The following RANGAP1 variants were observed in gnomAD, a reference collection of about 807,000 sequenced individuals.
RANGAP1 encodes Ran GTPase activating protein 1.
In RANGAP1, 38 loss-of-function variants were observed where a neutral mutation model predicts 63.5. The ratio of observed to expected loss-of-function variants is 0.60; its 90% CI spans 0.46 to 0.78. The LOEUF is 0.78. Ranked by LOEUF, RANGAP1 falls within the 30% of genes least tolerant of loss-of-function variation. RANGAP1 has a pLI of 0.00. For synonymous variants in RANGAP1, 329 were observed against 310.5 expected, an observed-to-expected ratio of 1.06 and a Z score of -0.63; for missense variants, 630 against 740.3, an observed-to-expected ratio of 0.85 and a Z score of 1.73.
chr22:41,256,662 C>T (rs1352916553), intron 8 of RANGAP1, 49 bp downstream of exon 8: 1 of 1,554,526 alleles, frequency 6.4e-7, no homozygotes, highest in East Asian at 2.3e-5. Context: ...CCAGCCGCCC[C>T]ACCACCCACA....
chr22:41,271,922 G>A (rs1470871674), intron 3 of RANGAP1, among the ~76,000 whole-genome samples: 1 of 152,184 alleles, frequency 6.6e-6, no homozygotes, highest in Non-Finnish European at 1.5e-5. Context: ...CTGCACAGAG[G>A]AGGGCCTAGG....
chr22:41,268,229 G>C (rs1390824865), intron 3 of RANGAP1, 73 bp from the exon 4 acceptor site: 2 of 1,208,308 alleles, frequency 1.7e-6, no homozygotes, highest in Admixed American at 4.2e-5. Context: ...TCATCCTGGT[G>C]GATTTGAACT....
intron 15 of RANGAP1, among the ~76,000 whole-genome samples, chr22:41,249,079 G>A (rs1299467190): frequency 2.0e-5 from 3 of 152,238 alleles, no homozygotes; most frequent in Admixed American, 6.5e-5. Flanking sequence ...TGGGGGCGCC[G>A]CATGTCTCCT....
At chr22:41,254,674 C>T (rs1286846620) in intron 10 of RANGAP1, 180 bp from the exon 11 acceptor site, 2 of 982,536 alleles carry the variant, frequency 2.0e-6, no homozygotes, top group African/African-American at 3.5e-5. Context: ...ATGCTGTGGA[C>T]ACAAAAAAAT....
chr22:41,256,083 G>A lies in RANGAP1; in HGVS notation c.1011C>T (p.Gly337=). 1 of 1,614,136 alleles carries A rather than the reference G, an allele frequency of 6.2e-7. No individual in the cohort carries two copies. Among genetic ancestry groups the A allele is most frequent in the Non-Finnish European group, 8.5e-7 (1 of 1,180,040 alleles). ...CCAGCACCTCCTGAAGCTGTTCACA[G>A]CCTTCTTCTCCCAGGGTGTTGCCTG... ...DLNGNTLGEE[G]CEQLQEVLEG... is the part of the protein sequence containing the mutation. Residue 337 remains glycine (G), a synonymous_variant, in exon 10 of 16, where the codon GGC becomes GGT. Coordinates refer to ENST00000356244, the MANE Select transcript of RANGAP1 (RefSeq NM_002883.4).
In RANGAP1 at chr22:41,284,894, C is replaced by T. The variant is rs8139705; in HGVS notation, c.-39+1092G>A. ...ACCAGAAACCAGCCCAGTGCAATAACTCACACCTGTAATTCCAACATTTTG... is the reference window on the plus strand; with the variant it reads ...ACCAGAAACCAGCCCAGTGCAATAATTCACACCTGTAATTCCAACATTTTG... On this transcript the variant is annotated intron_variant, in intron 1 of 15. Transcript: ENST00000356244. 20,880 of 152,246 alleles carry T rather than the reference C, an allele frequency of 0.14. 1,703 individuals carry two copies. The highest frequency in any genetic ancestry group is 0.19 in the Middle Eastern group (57 of 294). 9.4% of individuals were successfully genotyped at this position (152,246 alleles called of 1,614,324 possible).
At chr22:41,256,329 C>T (rs530840382) in intron 8 of RANGAP1, 39 bp from the exon 9 acceptor site, 37 of 1,586,426 alleles carry the variant, frequency 2.3e-5, no homozygotes, top group African/African-American at 6.7e-5. Context: ...GGCAGAAACC[C>T]GGGCCAGGAC....
intron 3 of RANGAP1, among the ~76,000 whole-genome samples, chr22:41,270,930 C>T (rs1364782035): frequency 7.3e-6 from 1 of 137,326 alleles, no homozygotes; most frequent in Non-Finnish European, 1.6e-5. Flanking sequence ...AAACCTAACT[C>T]TAATGAGCTG....
chr22:41,283,869 A>G (rs2035621140), intron 1 of RANGAP1, among the ~76,000 whole-genome samples: 1 of 150,040 alleles, frequency 6.7e-6, no homozygotes, highest in Non-Finnish European at 1.5e-5. Context: ...TCTGACGTAC[A>G]TTTTGACAGG....
chr22:41,248,132 C>T (rs967250787), intron 15 of RANGAP1, among the ~76,000 whole-genome samples: 4 of 143,176 alleles, frequency 2.8e-5, no homozygotes, highest in African/African-American at 1.0e-4. Context: ...AAGCTCGGCA[C>T]TGCAGCAACA....
At chr22:41,247,398 C>A (rs911808153) in intron 15 of RANGAP1, among the ~76,000 whole-genome samples, 1 of 152,064 alleles carries the variant, frequency 6.6e-6, no homozygotes, top group Admixed American at 6.6e-5. Context: ...GTTGCCCAGG[C>A]TGGAGTACAG....
At chr22:41,256,896 C>T in intron 7 of RANGAP1, 72 bp from the exon 8 acceptor site, 1 of 1,192,548 alleles carries the variant, frequency 8.4e-7, no homozygotes, top group Non-Finnish European at 1.2e-6. Context: ...CCCCGGGGGC[C>T]CCACACGGTC....
At chr22:41,292,746 A>AAAAT in the RANGAP1 span, among the ~76,000 whole-genome samples, 13 of 152,040 alleles carry the variant, frequency 8.6e-5, no homozygotes, top group East Asian at 1.9e-4. Context: ...ACTCCGTCTC[A>AAAAT]AAATAAATAA....
At chr22:41,267,443 G>A (rs1454484293) in intron 4 of RANGAP1, among the ~76,000 whole-genome samples, 2 of 152,152 alleles carry the variant, frequency 1.3e-5, no homozygotes, top group Admixed American at 6.5e-5. Context: ...AGGGCCTGCC[G>A]TGTGCAGCCC....
upstream of RANGAP1, among the ~76,000 whole-genome samples, chr22:41,286,556 A>G (rs1490905841): frequency 6.6e-6 from 1 of 152,268 alleles, no homozygotes; most frequent in Non-Finnish European, 1.5e-5. Flanking sequence ...TGTTGATAAC[A>G]GGTACTGCTG....
chr22:41,296,756 G>A, the RANGAP1 span, among the ~76,000 whole-genome samples: 1 of 152,072 alleles, frequency 6.6e-6, no homozygotes, highest in Non-Finnish European at 1.5e-5. Context: ...ATCAGCAGGA[G>A]ATATATGTAC....
intron 3 of RANGAP1, among the ~76,000 whole-genome samples, chr22:41,271,386 T>A (rs1282662625): frequency 4.1e-4 from 38 of 91,946 alleles, no homozygotes; most frequent in Admixed American, 9.7e-4. Context: ...AAACTGTCTC[T>A]AAAAAAAAAC....
chr22:41,291,195 A>C, the RANGAP1 span, among the ~76,000 whole-genome samples: 2 of 152,208 alleles, frequency 1.3e-5, no homozygotes, highest in African/African-American at 4.8e-5. Context: ...CAGTGATGAA[A>C]GAGATTGAAA....
chr22:41,274,494 C>A, intron 3 of RANGAP1, 106 bp downstream of exon 3: 1 of 1,514,946 alleles, frequency 6.6e-7, no homozygotes, highest in Non-Finnish European at 8.9e-7. Flanking sequence ...GGGGTACAGC[C>A]ACACAGGCAG....
Sources: allele counts gnomAD v4.1 joint callset (sites outside exome capture counted in the v4.1 genomes callset), GRCh38; gene constraint gnomAD v4.1.1; transcripts MANE v1.5; gene names NCBI Gene and HGNC (gene_info 2026-07-23, HGNC 2026-07-21).